DLGAP4: variants seen among roughly 807,000 people sequenced by gnomAD.
The protein encoded by DLGAP4 is disks large-associated protein 4.
A neutral mutation model predicts 86.9 loss-of-function variants in DLGAP4; 18 were observed. The observed-to-expected ratio is 0.21, with a 90% CI of 0.14 to 0.31. The LOEUF (loss-of-function observed/expected upper bound fraction) is 0.31. DLGAP4 is among the 10% of genes least tolerant of loss of function. The pLI is 1.00. For missense variants in DLGAP4, 1,085 were observed against 1,362.6 expected (o/e 0.80, Z 3.21); for synonymous variants, 548 against 574.3 (o/e 0.95, Z 0.65).
Position 36,511,874 on chromosome 20 carries a change from C to CAAA in DLGAP4, c.2512+11278_2512+11280dup, listed in dbSNP as rs1161880479. On this transcript the variant is annotated intron_variant, in intron 10 of 12. Coordinates refer to ENST00000339266, the MANE Select transcript of DLGAP4 (RefSeq NM_001365621.2). ...TGGGCGACAGAGGGAGACCCTGTCT[C>CAAA]AAAAAAAAAAAAAAAAATGCATAGT... is the stretch of plus-strand genomic sequence containing the variant. 6.6e-3 allele frequency among the ~76,000 whole-genome samples: 507 copies of CAAA among 76,914 alleles called. 4 individuals are homozygous for CAAA. The highest frequency in any genetic ancestry group is 0.02 in the African/African-American group (465 of 23,694). The allele number at this position is 76,914 out of a possible 152,430, so 50.5% of individuals were successfully genotyped here.
chr20:36,512,345 T>C (rs1032828180), intron 10 of DLGAP4, among the ~76,000 whole-genome samples: 4 of 152,212 alleles, frequency 2.6e-5, no homozygotes, highest in Non-Finnish European at 5.9e-5. Flanking sequence ...CCACCATGCC[T>C]GGCCCCTTGT....
intron 1 of DLGAP4, among the ~76,000 whole-genome samples, chr20:36,312,356 CAT>C (rs1322583261): frequency 1.1e-4 from 16 of 151,694 alleles, no homozygotes; most frequent in Middle Eastern, 3.4e-3. Context: ...CACACACACA[CAT>C]GCACGCGCGA....
chr20:36,476,652 A>G (rs1276063831), intron 7 of DLGAP4, among the ~76,000 whole-genome samples: 1 of 125,802 alleles, frequency 7.9e-6, no homozygotes, highest in Non-Finnish European at 1.6e-5. Flanking sequence ...CTTTCTATGA[A>G]TTCTATTACT....
intron 7 of DLGAP4, among the ~76,000 whole-genome samples, chr20:36,454,681 G>A (rs974949044): frequency 2.6e-5 from 4 of 152,206 alleles, no homozygotes; most frequent in African/African-American, 9.7e-5. Flanking sequence ...GAGCCCCCAC[G>A]TTGCTGAAGG....
intron 1 of DLGAP4, among the ~76,000 whole-genome samples, chr20:36,313,283 C>G (rs1315868975): frequency 6.6e-6 from 1 of 152,158 alleles, no homozygotes; most frequent in South Asian, 2.1e-4. Flanking sequence ...CTTCCCACCA[C>G]CCCCAGCTGC....
chr20:36,450,226 A>C (rs912439924), intron 7 of DLGAP4, among the ~76,000 whole-genome samples: 1 of 150,796 alleles, frequency 6.6e-6, no homozygotes, highest in African/African-American at 2.4e-5. Flanking sequence ...GGGTGGGCGC[A>C]GTGGCTCATG....
chr20:36,365,983 G>A (rs553250858), intron 1 of DLGAP4, among the ~76,000 whole-genome samples: 12 of 152,316 alleles, frequency 7.9e-5, no homozygotes, highest in African/African-American at 2.9e-4. Flanking sequence ...TTGGAGGGGA[G>A]AGGGTGGAGG....
At chr20:36,497,354 T>C in intron 8 of DLGAP4, 1 of 1,275,004 alleles carries the variant, frequency 7.8e-7, no homozygotes, top group South Asian at 1.9e-5. Context: ...TGTCCACTGT[T>C]TGCCTGTCCA....
At chr20:36,343,603 T>C (rs1379243726) in intron 1 of DLGAP4, among the ~76,000 whole-genome samples, 1 of 151,974 alleles carries the variant, frequency 6.6e-6, no homozygotes, top group Non-Finnish European at 1.5e-5. Flanking sequence ...AAAATGGATT[T>C]TTGAGGCTAC....
intron 7 of DLGAP4, among the ~76,000 whole-genome samples, chr20:36,484,855 G>T (rs950703184): frequency 6.6e-6 from 1 of 152,234 alleles, no homozygotes; most frequent in African/African-American, 2.4e-5. Context: ...CACCTGCATT[G>T]TATTTCTTAA....
At position 36,528,262 on chromosome 20, in the gene DLGAP4, C is replaced by G. The variant is rs187430542; in HGVS notation, c.*1231C>G. The G allele has an allele frequency of 1.3e-5, 2 of 152,606 alleles. No individual in the cohort carries two copies. Among genetic ancestry groups the G allele is most frequent in the Non-Finnish European group, 1.5e-5 (1 of 68,138 alleles). The allele number at this position is 152,606 out of a possible 1,614,324, so 9.5% of individuals were successfully genotyped here. ...ATTATCCTTCTCTCTCTCCTGCCCC[C>G]GCATCCCACTCCCAGGGTGTCACGA... On this transcript the variant is annotated 3_prime_UTR_variant, in exon 13 of 13. Coordinates refer to ENST00000339266, the MANE Select transcript of DLGAP4 (RefSeq NM_001365621.2).
intron 1 of DLGAP4, among the ~76,000 whole-genome samples, chr20:36,307,444 C>T (rs1235717350): frequency 1.3e-5 from 2 of 152,224 alleles, no homozygotes; most frequent in Non-Finnish European, 2.9e-5. Context: ...TCCATCCCTC[C>T]GGCCCTTCTC....
intron 1 of DLGAP4, among the ~76,000 whole-genome samples, chr20:36,307,109 C>A (rs1555889558): frequency 6.6e-6 from 1 of 152,004 alleles, no homozygotes; most frequent in Non-Finnish European, 1.5e-5. Context: ...GGGGCGGGGG[C>A]AGCACCCCCC....
At chr20:36,508,422 C>CTTTTTTTTTTT (rs745815364) in intron 10 of DLGAP4, 8 of 94,468 alleles carry the variant, frequency 8.5e-5, no homozygotes, top group African/African-American at 3.0e-4. Context: ...TTTCAGGGTT[C>CTTTTTTTTTTT]TTTTTTTTTT....
chr20:36,474,740 G>C (rs937928092), intron 7 of DLGAP4, among the ~76,000 whole-genome samples: 12 of 152,118 alleles, frequency 7.9e-5, no homozygotes, highest in Non-Finnish European at 1.2e-4. Flanking sequence ...GCAGTGTGTG[G>C]GAAGGGTGGG....
At chr20:36,479,331 G>A (rs1196060274) in intron 7 of DLGAP4, among the ~76,000 whole-genome samples, 1 of 152,114 alleles carries the variant, frequency 6.6e-6, no homozygotes, top group Non-Finnish European at 1.5e-5. Context: ...GAGAGGGTGG[G>A]GTTCTGCCTC....
chr20:36,346,534 G>C (rs1359145591), intron 1 of DLGAP4, among the ~76,000 whole-genome samples: 7 of 152,200 alleles, frequency 4.6e-5, no homozygotes, highest in African/African-American at 1.7e-4. Context: ...CCACAAAGTG[G>C]TGCAGGCAGG....
intron 10 of DLGAP4, among the ~76,000 whole-genome samples, chr20:36,509,404 C>T (rs1174744845): frequency 1.3e-5 from 2 of 152,078 alleles, no homozygotes; most frequent in African/African-American, 4.8e-5. Flanking sequence ...AACCCCGTCT[C>T]TACTGAAAAT....
At chr20:36,333,007 G>A (rs1454218246) in intron 1 of DLGAP4, among the ~76,000 whole-genome samples, 2 of 152,150 alleles carry the variant, frequency 1.3e-5, no homozygotes, top group Admixed American at 1.3e-4. Context: ...GATGTAGTCT[G>A]GCTGGAAAAA....
Sources: gnomAD v4.1 joint callset for allele counts (sites outside exome capture counted in the v4.1 genomes callset) on GRCh38, gnomAD v4.1.1 for gene constraint, MANE v1.5 for transcripts, NCBI Gene and HGNC (gene_info 2026-07-23, HGNC 2026-07-21) for gene names.